The following INSL6 variants were observed in gnomAD, a reference collection of about 807,000 sequenced individuals.
INSL6 encodes the protein insulin like 6.
Under a neutral mutation model 9.4 loss-of-function variants are expected in INSL6, and 16 were observed. The ratio of observed to expected loss-of-function variants is 1.70; its 90% CI spans 1.15 to 2.59. The LOEUF (loss-of-function observed/expected upper bound fraction) is 2.59, where lower values mean the gene tolerates loss of function less well. Ranked by LOEUF, INSL6 falls within the 30% of genes most tolerant of loss-of-function variation. The pLI is 0.00. For synonymous variants in INSL6, 154 were observed against 96.9 expected (o/e 1.59, Z -3.46); for missense variants, 391 against 257.3 (o/e 1.52, Z -3.56).
chr9:5,078,333 G>A, the INSL6 span: 1 of 1,612,554 alleles, frequency 6.2e-7, no homozygotes, highest in South Asian at 1.1e-5. Context: ...TCATGGGAAT[G>A]TATGTGCCAA....
the INSL6 span, among the ~76,000 whole-genome samples, chr9:5,027,654 G>C: frequency 6.6e-6 from 1 of 152,170 alleles, no homozygotes; most frequent in Non-Finnish European, 1.5e-5. Context: ...TTTGAAAATA[G>C]GAAGTTGATT....
intron 1 of INSL6, among the ~76,000 whole-genome samples, chr9:5,185,016 A>C (rs1226764695): frequency 6.6e-6 from 1 of 152,156 alleles, no homozygotes; most frequent in Non-Finnish European, 1.5e-5. Flanking sequence ...AATGATACTT[A>C]AGTTGGGCTT....
At chr9:5,042,897 G>A in the INSL6 span, among the ~76,000 whole-genome samples, 1 of 152,226 alleles carries the variant, frequency 6.6e-6, no homozygotes, top group Non-Finnish European at 1.5e-5. Flanking sequence ...TCACAGCCTG[G>A]CCCCGGCGAG....
At chr9:5,072,695 C>T in the INSL6 span, 20 of 1,147,396 alleles carry the variant, frequency 1.7e-5, no homozygotes, top group South Asian at 5.2e-5. Flanking sequence ...ATGCATACAA[C>T]GTACTCATGT....
At chr9:5,179,160 A>C (rs1342074154) in intron 1 of INSL6, among the ~76,000 whole-genome samples, 1 of 152,164 alleles carries the variant, frequency 6.6e-6, no homozygotes, top group Non-Finnish European at 1.5e-5. Context: ...AACTTAAACA[A>C]ATTTACAAGA....
chr9:5,025,791 C>G, the INSL6 span, among the ~76,000 whole-genome samples: 3 of 152,152 alleles, frequency 2.0e-5, no homozygotes, highest in South Asian at 2.1e-4. Flanking sequence ...CTCGGCCTCT[C>G]AAAGTGTGTG....
chr9:5,040,749 C>T, the INSL6 span, among the ~76,000 whole-genome samples: 3 of 152,366 alleles, frequency 2.0e-5, no homozygotes, highest in South Asian at 2.1e-4. Context: ...CGTCCGGGAC[C>T]GTGGTGTGCC....
the INSL6 span, chr9:5,112,304 T>C: frequency 1.1e-5 from 3 of 267,002 alleles, no homozygotes; most frequent in Admixed American, 5.0e-5. Flanking sequence ...TGTTGCCCTC[T>C]CCAGCTAGCC....
At chr9:5,035,017 A>C in the INSL6 span, among the ~76,000 whole-genome samples, 1 of 152,190 alleles carries the variant, frequency 6.6e-6, no homozygotes, top group South Asian at 2.1e-4. Context: ...AGAGAGAAGA[A>C]TCAAATACAT....
chr9:5,035,511 A>G, the INSL6 span, among the ~76,000 whole-genome samples: 1 of 152,250 alleles, frequency 6.6e-6, no homozygotes, highest in African/African-American at 2.4e-5. Context: ...CGAATCCAGC[A>G]GCACATCAAA....
intron 2 of INSL6, among the ~76,000 whole-genome samples, chr9:5,144,756 T>A (rs1441089481): frequency 2.6e-5 from 4 of 152,338 alleles, no homozygotes; most frequent in South Asian, 4.1e-4. Flanking sequence ...TCTTTGTTGG[T>A]TTAAAGTCTG....
At chr9:5,069,078 G>C in the INSL6 span, 2 of 1,610,268 alleles carry the variant, frequency 1.2e-6, no homozygotes, top group Non-Finnish European at 8.5e-7. Flanking sequence ...AGAATGAAGA[G>C]TACAACCTCA....
the INSL6 span, among the ~76,000 whole-genome samples, chr9:5,092,780 A>G: frequency 1.3e-5 from 2 of 152,224 alleles, no homozygotes; most frequent in South Asian, 4.1e-4. Context: ...AGTAGTGGTG[A>G]TAAGCCTATC....
the INSL6 span, among the ~76,000 whole-genome samples, chr9:4,993,272 T>G: frequency 6.6e-6 from 1 of 152,212 alleles, no homozygotes; most frequent in Non-Finnish European, 1.5e-5. Context: ...ATCTATGAGG[T>G]ACTGATTTAG....
intron 2 of INSL6, among the ~76,000 whole-genome samples, chr9:5,144,620 T>C (rs921649724): frequency 2.0e-5 from 3 of 152,218 alleles, no homozygotes; most frequent in Admixed American, 1.3e-4. Context: ...CTAAGTCTCT[T>C]TGAAAGTCTC....
the INSL6 span, among the ~76,000 whole-genome samples, chr9:5,101,818 TAGAA>T: frequency 2.0e-5 from 3 of 152,228 alleles, no homozygotes; most frequent in East Asian, 3.9e-4. Flanking sequence ...ACCTGACTGT[TAGAA>T]AGAAAACTAA....
chr9:5,077,998 T>G, the INSL6 span, among the ~76,000 whole-genome samples: 2 of 152,172 alleles, frequency 1.3e-5, no homozygotes. Context: ...GCTGCAGAAC[T>G]GAAGTAGTAT....
intron 2 of INSL6, among the ~76,000 whole-genome samples, chr9:5,151,655 GATAA>G (rs1345806179): frequency 4.0e-5 from 6 of 151,844 alleles, no homozygotes; most frequent in African/African-American, 1.5e-4. Context: ...AAAGTTTAAA[GATAA>G]ATAAATAACC....
At chr9:5,174,703 T>C (rs943341047) in intron 1 of INSL6, among the ~76,000 whole-genome samples, 3 of 152,212 alleles carry the variant, frequency 2.0e-5, no homozygotes, top group Admixed American at 2.0e-4. Flanking sequence ...GCAAACAAGA[T>C]GACTCTTTCA....
Sources: allele counts gnomAD v4.1 joint callset (sites outside exome capture counted in the v4.1 genomes callset), GRCh38; gene constraint gnomAD v4.1.1; transcripts MANE v1.5; gene names NCBI Gene and HGNC (gene_info 2026-07-23, HGNC 2026-07-21).